OLFM3: variants seen among roughly 807,000 people sequenced by gnomAD.
OLFM3 encodes noelin-3.
A neutral mutation model predicts 48.6 loss-of-function variants in OLFM3; 20 were observed. The ratio of observed to expected loss-of-function variants is 0.41; its 90% CI spans 0.29 to 0.60. OLFM3 has a LOEUF of 0.60. Ranked by LOEUF, OLFM3 falls within the 20% of genes least tolerant of loss-of-function variation. OLFM3 has a pLI of 0.28. For synonymous variants in OLFM3, 222 were observed against 198.1 expected, an observed-to-expected ratio of 1.12 and a Z score of -1.01; for missense variants, 437 against 544.3, an observed-to-expected ratio of 0.80 and a Z score of 1.96.
chr1:101,839,107 A>T (rs987822916), intron 1 of OLFM3, among the ~76,000 whole-genome samples: 2 of 152,188 alleles, frequency 1.3e-5, no homozygotes, highest in Non-Finnish European at 2.9e-5. Context: ...TACGTAAAGG[A>T]AATGGTACCA....
intron 1 of OLFM3, among the ~76,000 whole-genome samples, chr1:101,929,335 T>C (rs1331310131): frequency 1.3e-5 from 2 of 152,180 alleles, no homozygotes; most frequent in Admixed American, 1.3e-4. Flanking sequence ...GGAAACCCAC[T>C]TCTTGTGTCA....
intron 1 of OLFM3, among the ~76,000 whole-genome samples, chr1:101,875,270 G>A (rs1485097718): frequency 3.3e-5 from 5 of 151,950 alleles, no homozygotes; most frequent in Non-Finnish European, 7.4e-5. Context: ...TACTGTGATG[G>A]TGGATATATG....
At chr1:101,946,895 A>G (rs1659981430) in intron 1 of OLFM3, among the ~76,000 whole-genome samples, 1 of 152,220 alleles carries the variant, frequency 6.6e-6, no homozygotes, top group South Asian at 2.1e-4. Flanking sequence ...GTACACAGTG[A>G]AATTAAAAAT....
chr1:101,984,973 A>G (rs1661195767), intron 1 of OLFM3, among the ~76,000 whole-genome samples: 1 of 152,170 alleles, frequency 6.6e-6, no homozygotes, highest in South Asian at 2.1e-4. Context: ...GCAGACAAAA[A>G]CCTGAAGAGT....
At chr1:101,956,687 T>A (rs978502176) in intron 1 of OLFM3, among the ~76,000 whole-genome samples, 5 of 151,860 alleles carry the variant, frequency 3.3e-5, no homozygotes, top group Non-Finnish European at 5.9e-5. Flanking sequence ...ATAATGTCAA[T>A]GGAAAGCTTG....
At chr1:101,961,133 G>T (rs1334797704) in intron 1 of OLFM3, among the ~76,000 whole-genome samples, 3 of 152,048 alleles carry the variant, frequency 2.0e-5, no homozygotes, top group Admixed American at 6.6e-5. Flanking sequence ...GGTAAGAAAA[G>T]ATAATGGGGA....
intron 1 of OLFM3, chr1:101,909,891 G>A (rs1000341623): frequency 2.3e-6 from 2 of 858,502 alleles, no homozygotes; most frequent in African/African-American, 3.7e-5. Context: ...AAGATTTCCT[G>A]AGCTAAAACG....
At chr1:101,960,671 A>G (rs1304924354) in intron 1 of OLFM3, among the ~76,000 whole-genome samples, 1 of 152,142 alleles carries the variant, frequency 6.6e-6, no homozygotes, top group Non-Finnish European at 1.5e-5. Flanking sequence ...TTTTATATTT[A>G]TAGATGACTG....
At chr1:101,811,840 A>G (rs1309871756) in intron 4 of OLFM3, among the ~76,000 whole-genome samples, 1 of 152,168 alleles carries the variant, frequency 6.6e-6, no homozygotes, top group African/African-American at 2.4e-5. Flanking sequence ...TACTGGGTAT[A>G]TACCCAAAGG....
intron 1 of OLFM3, among the ~76,000 whole-genome samples, chr1:101,876,741 C>T (rs190037678): frequency 1.4e-4 from 22 of 151,746 alleles, no homozygotes; most frequent in African/African-American, 5.3e-4. Context: ...AATAATCACC[C>T]TACCTGAATT....
In OLFM3 at chr1:101,824,669, AC is replaced by A. The variant is rs1446439278; in HGVS notation, c.592+356del. Among the ~76,000 whole-genome samples the A allele has an allele frequency of 1.9e-3, 290 of 151,704 alleles. 1 individual carries two copies. Among genetic ancestry groups the A allele is most frequent in the African/African-American group, 6.5e-3 (270 of 41,492 alleles). On this transcript the variant is annotated intron_variant, in intron 4 of 5. Transcript: ENST00000370103. ...AACAACAACAACAACAACAACAACA[AC>A]AACAACAACAACAAAAAACAGTTTC...
intron 1 of OLFM3, among the ~76,000 whole-genome samples, chr1:101,847,317 C>A (rs1434944146): frequency 6.6e-6 from 1 of 151,816 alleles, no homozygotes; most frequent in East Asian, 1.9e-4. Context: ...TCCATTTCCT[C>A]TGGGGTTTGT....
At chr1:101,839,212 C>T (rs1030235361) in intron 1 of OLFM3, among the ~76,000 whole-genome samples, 1 of 152,130 alleles carries the variant, frequency 6.6e-6, no homozygotes, top group African/African-American at 2.4e-5. Context: ...GGGTCAGACT[C>T]GTTAACATTC....
At chr1:101,962,544 A>C (rs957208396) in intron 1 of OLFM3, among the ~76,000 whole-genome samples, 4 of 152,126 alleles carry the variant, frequency 2.6e-5, no homozygotes, top group African/African-American at 9.7e-5. Context: ...AATGTATCCA[A>C]TGGGGTGAGT....
At chr1:101,876,468 T>C (rs1011089939) in intron 1 of OLFM3, among the ~76,000 whole-genome samples, 4 of 151,962 alleles carry the variant, frequency 2.6e-5, no homozygotes, top group African/African-American at 7.2e-5. Context: ...TCTATATCTC[T>C]GGGATGAAGA....
chr1:101,964,317 G>C (rs1660552207), intron 1 of OLFM3, among the ~76,000 whole-genome samples: 1 of 152,130 alleles, frequency 6.6e-6, no homozygotes, highest in African/African-American at 2.4e-5. Flanking sequence ...CAAGAAATGA[G>C]ATTAGAAAAC....
intron 1 of OLFM3, among the ~76,000 whole-genome samples, chr1:101,868,711 C>T (rs749683222): frequency 7.2e-5 from 11 of 152,190 alleles, no homozygotes; most frequent in South Asian, 4.1e-4. Context: ...TATGGTGGCT[C>T]TTCCCATCAC....
At chr1:101,873,641 C>T (rs1451785159) in intron 1 of OLFM3, among the ~76,000 whole-genome samples, 1 of 150,976 alleles carries the variant, frequency 6.6e-6, no homozygotes, top group Non-Finnish European at 1.5e-5. Flanking sequence ...TTTTTATTTA[C>T]AATGTATTTG....
intron 1 of OLFM3, among the ~76,000 whole-genome samples, chr1:101,879,091 T>G (rs1196840582): frequency 6.6e-6 from 1 of 151,874 alleles, no homozygotes; most frequent in Non-Finnish European, 1.5e-5. Flanking sequence ...CTAACAAAGT[T>G]AAAGAAAAAC....
Sources: gnomAD v4.1 joint callset for allele counts (sites outside exome capture counted in the v4.1 genomes callset) on GRCh38, gnomAD v4.1.1 for gene constraint, MANE v1.5 for transcripts, NCBI Gene and HGNC (gene_info 2026-07-23, HGNC 2026-07-21) for gene names.